Variants in SLC25A48 observed in about 807,000 individuals in gnomAD.
SLC25A48 encodes CTC-321K16.1.
In SLC25A48, 29 loss-of-function variants were observed where a neutral mutation model predicts 32.2. The observed-to-expected ratio is 0.90, with a 90% CI of 0.67 to 1.23. SLC25A48 has a LOEUF of 1.23. Among genes scored for constraint, SLC25A48 ranks in the 50% most tolerant of loss-of-function variants. The pLI, the probability that SLC25A48 is intolerant of heterozygous loss-of-function variation, is 0.00. For synonymous variants in SLC25A48, 164 were observed against 172.3 expected (o/e 0.95, Z 0.38); for missense variants, 399 against 422.7 (o/e 0.94, Z 0.49).
At chr5:135,697,151 T>C (rs1754285590) in intron 3 of SLC25A48, among the ~76,000 whole-genome samples, 1 of 152,188 alleles carries the variant, frequency 6.6e-6, no homozygotes, top group East Asian at 1.9e-4. Context: ...TCCAAAATTA[T>C]TTGAGTTAGA....
rs1338228809 is a variant in SLC25A48, at chr5:135,687,347, G to A, written c.-521+52391G>A. On this transcript the variant is annotated intron_variant, in intron 3 of 10. Transcript: ENST00000646290. ...CTTAATCCTCTATGATTTTACAATG[G>A]CACTTAGAATTACAGTATTTATACA... Among the ~76,000 whole-genome samples the A allele has an allele frequency of 5.9e-5, 9 of 152,244 alleles. No homozygotes were observed. In the East Asian group the frequency reaches 1.4e-3, roughly 23 times the overall value.
At chr5:135,694,890 A>T (rs1754231536) in intron 3 of SLC25A48, among the ~76,000 whole-genome samples, 1 of 152,096 alleles carries the variant, frequency 6.6e-6, no homozygotes, top group Non-Finnish European at 1.5e-5. Flanking sequence ...CCCAGCCCAG[A>T]TGGATGATTT....
chr5:135,813,342 C>T (rs549433073), intron 4 of SLC25A48, among the ~76,000 whole-genome samples: 7 of 152,198 alleles, frequency 4.6e-5, no homozygotes, highest in East Asian at 3.9e-4. Flanking sequence ...CTGAGAAATG[C>T]GGTAGTTGTC....
chr5:135,665,532 A>G (rs1169197802), intron 3 of SLC25A48, among the ~76,000 whole-genome samples: 2 of 151,862 alleles, frequency 1.3e-5, no homozygotes, highest in African/African-American at 4.8e-5. Context: ...AGTTTTTCCT[A>G]GATTATCTTC....
intron 3 of SLC25A48, among the ~76,000 whole-genome samples, chr5:135,716,744 T>C (rs1177380634): frequency 1.3e-5 from 2 of 152,188 alleles, no homozygotes; most frequent in African/African-American, 4.8e-5. Flanking sequence ...GTCTGAAGCC[T>C]TAAATTACAA....
At chr5:135,744,460 C>T (rs1300069512) in intron 3 of SLC25A48, among the ~76,000 whole-genome samples, 1 of 134,404 alleles carries the variant, frequency 7.4e-6, no homozygotes, top group African/African-American at 2.6e-5. Flanking sequence ...AAGTGATCCT[C>T]CCACCTCAGC....
intron 3 of SLC25A48, among the ~76,000 whole-genome samples, chr5:135,681,483 A>G (rs994750299): frequency 6.6e-5 from 10 of 151,106 alleles, no homozygotes; most frequent in African/African-American, 2.5e-4. Context: ...CAGAGAATGT[A>G]ATGGTAATAA....
At chr5:135,882,215 G>T (rs916452268) in intron 7 of SLC25A48, among the ~76,000 whole-genome samples, 2 of 152,222 alleles carry the variant, frequency 1.3e-5, no homozygotes, top group South Asian at 2.1e-4. Context: ...GGAGAGGGAG[G>T]TTCCCAGCCA....
At chr5:135,701,398 A>G (rs2126966531) in intron 3 of SLC25A48, among the ~76,000 whole-genome samples, 1 of 152,286 alleles carries the variant, frequency 6.6e-6, no homozygotes, top group South Asian at 2.1e-4. Flanking sequence ...TACCAAAGTT[A>G]GCCAAACTGC....
chr5:135,703,790 A>C (rs1385257149), intron 3 of SLC25A48, among the ~76,000 whole-genome samples: 2 of 152,210 alleles, frequency 1.3e-5, no homozygotes, highest in African/African-American at 4.8e-5. Context: ...CTGTGTGCCC[A>C]GCACTCAGCA....
chr5:135,604,501 T>A (rs1347550518), intron 1 of SLC25A48, among the ~76,000 whole-genome samples: 1 of 152,248 alleles, frequency 6.6e-6, no homozygotes, highest in Non-Finnish European at 1.5e-5. Flanking sequence ...TCAGAACACC[T>A]GTAGCCAACG....
chr5:135,886,772 C>A (rs1335077165), intron 7 of SLC25A48, among the ~76,000 whole-genome samples: 1 of 147,820 alleles, frequency 6.8e-6, no homozygotes, highest in Non-Finnish European at 1.5e-5. Context: ...TGGCAGGGAC[C>A]CTGCCCTCAG....
intron 3 of SLC25A48, among the ~76,000 whole-genome samples, chr5:135,726,030 C>T (rs576507091): frequency 3.9e-4 from 60 of 152,322 alleles, no homozygotes; most frequent in African/African-American, 1.2e-3. Context: ...CTGACAGACT[C>T]GAGGATCTCC....
At chr5:135,866,302 G>A (rs1193574503) in intron 4 of SLC25A48, among the ~76,000 whole-genome samples, 1 of 152,236 alleles carries the variant, frequency 6.6e-6, no homozygotes, top group Non-Finnish European at 1.5e-5. Flanking sequence ...CCCCTCAGTG[G>A]CCAGCCATTG....
chr5:135,755,540 A>G (rs1366088666), intron 3 of SLC25A48, among the ~76,000 whole-genome samples: 1 of 152,024 alleles, frequency 6.6e-6, no homozygotes, highest in East Asian at 1.9e-4. Context: ...GGTATTTATC[A>G]TATCTAATGT....
At chr5:135,873,095 G>A (rs1412383942) in intron 5 of SLC25A48, among the ~76,000 whole-genome samples, 1 of 152,208 alleles carries the variant, frequency 6.6e-6, no homozygotes, top group Non-Finnish European at 1.5e-5. Flanking sequence ...CAGCACCTGG[G>A]GAAGTGGCCC....
At chr5:135,832,306 G>A (rs1758235270), upstream of SLC25A48, among the ~76,000 whole-genome samples, 1 of 152,148 alleles carries the variant, frequency 6.6e-6, no homozygotes, top group Non-Finnish European at 1.5e-5. Context: ...GATGAGAAGA[G>A]CTGGAGAAGC....
chr5:135,694,672 T>C (rs1257011377), intron 3 of SLC25A48, among the ~76,000 whole-genome samples: 1 of 152,116 alleles, frequency 6.6e-6, no homozygotes, highest in East Asian at 1.9e-4. Flanking sequence ...CTTGGCTCAC[T>C]GCAACCTCCA....
chr5:135,800,607 C>T (rs1447467900), intron 3 of SLC25A48, among the ~76,000 whole-genome samples: 1 of 151,706 alleles, frequency 6.6e-6, no homozygotes, highest in Admixed American at 6.6e-5. Context: ...TGTACACCCA[C>T]CCTCCCGGGT....
Sources: allele counts gnomAD v4.1 joint callset (sites outside exome capture counted in the v4.1 genomes callset), GRCh38; gene constraint gnomAD v4.1.1; transcripts MANE v1.5; gene names NCBI Gene and HGNC (gene_info 2026-07-23, HGNC 2026-07-21).